The following CSMD1 variants were observed in gnomAD, a reference collection of about 807,000 sequenced individuals.
The protein encoded by CSMD1 is CUB and Sushi multiple domains 1.
A neutral mutation model predicts 417.5 loss-of-function variants in CSMD1; 213 were observed. That is an observed-to-expected ratio of 0.51 (90% CI 0.46 to 0.57). The LOEUF (loss-of-function observed/expected upper bound fraction) is 0.57, where lower values mean the gene tolerates loss of function less well. CSMD1 is among the 20% of genes least tolerant of loss of function. CSMD1 has a pLI of 0.00. For missense variants in CSMD1, 6,923 were observed against 4,529.7 expected, an observed-to-expected ratio of 1.53 and a Z score of -15.17; for synonymous variants, 2,862 against 1,736.8, an observed-to-expected ratio of 1.65 and a Z score of -16.11.
At chr8:3,706,652 T>G (rs1402411433) in intron 7 of CSMD1, among the ~76,000 whole-genome samples, 1 of 152,210 alleles carries the variant, frequency 6.6e-6, no homozygotes, top group Non-Finnish European at 1.5e-5. Context: ...AAAAATCTGA[T>G]GCCCAAATGA....
At position 3,900,955 on chromosome 8, in the gene CSMD1, G is replaced by C. The variant is rs573995059; in HGVS notation, c.818+96948C>G. On this transcript the variant is annotated intron_variant, in intron 5 of 69. Transcript: ENST00000635120. ...ATTAAATACAAGAAGGTCTATAAAG[G>C]ACAGAACAGAGCCTGAAACTTTATG... Among the ~76,000 whole-genome samples, 5 of 152,194 alleles carry C rather than the reference G, an allele frequency of 3.3e-5. 1 individual carries two copies. In the South Asian group the frequency reaches 1.0e-3, roughly 31 times the overall value.
intron 23 of CSMD1, among the ~76,000 whole-genome samples, chr8:3,310,298 A>C (rs1337711782): frequency 1.3e-5 from 2 of 152,212 alleles, no homozygotes; most frequent in Non-Finnish European, 1.5e-5. Flanking sequence ...GCAGAGAGGA[A>C]AAAAGAAGCA....
chr8:4,131,104 A>C (rs1211448573), intron 3 of CSMD1, among the ~76,000 whole-genome samples: 4 of 152,220 alleles, frequency 2.6e-5, no homozygotes, highest in African/African-American at 7.2e-5. Flanking sequence ...TGCTGTTAAA[A>C]GGAGAACCAC....
chr8:4,391,870 T>C (rs933573924), intron 3 of CSMD1, among the ~76,000 whole-genome samples: 3 of 152,204 alleles, frequency 2.0e-5, no homozygotes, highest in Admixed American at 6.5e-5. Context: ...CATCTGGGTA[T>C]GTCCACCAGC....
rs867486902 is a variant in CSMD1, at chr8:4,328,240, C to T, written c.415+91713G>A. On this transcript the variant is annotated intron_variant, in intron 3 of 69. Coordinates refer to ENST00000635120, the MANE Select transcript of CSMD1 (RefSeq NM_033225.6). ...ACACCCAATTACATTGCACTCAATACAATTTTTTTTTTTTTTTTTTTTTTT... is the reference window on the plus strand; with the variant it reads ...ACACCCAATTACATTGCACTCAATATAATTTTTTTTTTTTTTTTTTTTTTT... Among the ~76,000 whole-genome samples, 3 of 124,526 alleles carry T rather than the reference C, an allele frequency of 2.4e-5. No individual in the cohort carries two copies. The Admixed American group carries it at 2.4e-4, about 10-fold the overall frequency. The allele number at this position is 124,526 out of a possible 152,430, so 81.7% of individuals were successfully genotyped here.
At chr8:4,304,857 C>G (rs1163706550) in intron 3 of CSMD1, among the ~76,000 whole-genome samples, 4 of 152,140 alleles carry the variant, frequency 2.6e-5, no homozygotes, top group Non-Finnish European at 2.9e-5. Context: ...CCTATTTCAC[C>G]TTAATCATTT....
chr8:4,490,133 TGA>T (rs1028562855), intron 2 of CSMD1, among the ~76,000 whole-genome samples: 2 of 150,932 alleles, frequency 1.3e-5, no homozygotes, highest in African/African-American at 4.9e-5. Flanking sequence ...CTCTGCCTCC[TGA>T]GTTCAAGTGA....
chr8:3,003,192 A>T (rs1807566936), intron 52 of CSMD1, among the ~76,000 whole-genome samples: 1 of 152,200 alleles, frequency 6.6e-6, no homozygotes, highest in Non-Finnish European at 1.5e-5. Context: ...AATCTTAATG[A>T]TATTGTGTCA....
chr8:4,225,681 A>C (rs914909031), intron 3 of CSMD1, among the ~76,000 whole-genome samples: 3 of 152,146 alleles, frequency 2.0e-5, no homozygotes, highest in Admixed American at 2.0e-4. Flanking sequence ...ATGCCTTAGG[A>C]AACTGTCTCA....
chr8:4,190,123 G>C (rs1798929586), intron 3 of CSMD1, among the ~76,000 whole-genome samples: 1 of 151,836 alleles, frequency 6.6e-6, no homozygotes, highest in South Asian at 2.1e-4. Context: ...GCCGGGCGTG[G>C]TGGCAGGTGC....
intron 3 of CSMD1, among the ~76,000 whole-genome samples, chr8:4,139,529 G>C (rs1242105172): frequency 6.7e-6 from 1 of 149,884 alleles, no homozygotes; most frequent in Non-Finnish European, 1.5e-5. Context: ...TCTCAGGGGA[G>C]TGGCACTCAT....
intron 2 of CSMD1, among the ~76,000 whole-genome samples, chr8:4,459,008 GGCCACAGCCTGC>G (rs1339561042): frequency 6.6e-6 from 1 of 152,104 alleles, no homozygotes; most frequent in Non-Finnish European, 1.5e-5. Context: ...GTGCAGCTTG[GGCCACAGCCTGC>G]TTTCTTCCCC....
In CSMD1 at chr8:4,690,588, T is replaced by C. The variant is rs1394882415; in HGVS notation, c.86-53030A>G. On this transcript the variant is annotated intron_variant, in intron 1 of 69. Coordinates refer to ENST00000635120, the MANE Select transcript of CSMD1 (RefSeq NM_033225.6). ...GGATGAATTCTAAAATATTATATTT[T>C]AGCAAAAAGCATGCTTGTTCCTCAG... is the stretch of plus-strand genomic sequence containing the variant. Among the ~76,000 whole-genome samples, 3 of 152,226 alleles carry C rather than the reference T, an allele frequency of 2.0e-5. No individual in the cohort carries two copies. In the East Asian group the frequency reaches 5.8e-4, roughly 29 times the overall value.
intron 3 of CSMD1, among the ~76,000 whole-genome samples, chr8:4,291,006 T>C (rs890043774): frequency 5.3e-5 from 8 of 152,172 alleles, no homozygotes; most frequent in African/African-American, 1.9e-4. Flanking sequence ...AATGTATATG[T>C]AATGATGTCA....
At chr8:4,014,245 G>A (rs1208646355) in intron 4 of CSMD1, among the ~76,000 whole-genome samples, 1 of 152,122 alleles carries the variant, frequency 6.6e-6, no homozygotes, top group Non-Finnish European at 1.5e-5. Flanking sequence ...TCTAACAGAA[G>A]CAACAAACAC....
intron 3 of CSMD1, among the ~76,000 whole-genome samples, chr8:4,067,589 TATTA>T (rs1413931614): frequency 6.6e-6 from 1 of 152,226 alleles, no homozygotes; most frequent in African/African-American, 2.4e-5. Flanking sequence ...CATTTTTGTT[TATTA>T]ATTATCAATT....
chr8:4,193,922 A>G (rs759226375), intron 3 of CSMD1, among the ~76,000 whole-genome samples: 2 of 151,936 alleles, frequency 1.3e-5, no homozygotes, highest in Non-Finnish European at 2.9e-5. Context: ...AGAAAGTACA[A>G]TGTTTAATGG....
intron 46 of CSMD1, among the ~76,000 whole-genome samples, chr8:3,105,111 G>C (rs990209311): frequency 2.0e-5 from 3 of 152,226 alleles, no homozygotes; most frequent in Non-Finnish European, 2.9e-5. Context: ...AGGGAAGGCA[G>C]TTAACATTAT....
chr8:3,561,276 C>G (rs145469763), intron 10 of CSMD1, among the ~76,000 whole-genome samples: 1 of 152,180 alleles, frequency 6.6e-6, no homozygotes, highest in Non-Finnish European at 1.5e-5. Context: ...AGCAATTCTA[C>G]TACTAGGTAT....
Sources: allele counts gnomAD v4.1 joint callset (sites outside exome capture counted in the v4.1 genomes callset), GRCh38; gene constraint gnomAD v4.1.1; transcripts MANE v1.5; gene names NCBI Gene and HGNC (gene_info 2026-07-23, HGNC 2026-07-21).